TRPC4: variants seen among roughly 807,000 people sequenced by gnomAD.
TRPC4 encodes short transient receptor potential channel 4.
In TRPC4, 49 loss-of-function variants were observed where a neutral mutation model predicts 99.4. That is an observed-to-expected ratio of 0.49 (90% CI 0.39 to 0.63). The LOEUF (loss-of-function observed/expected upper bound fraction) is 0.63. TRPC4 is among the 20% of genes least tolerant of loss of function. The pLI is 0.00. For missense variants in TRPC4, 898 were observed against 1,152.9 expected, an observed-to-expected ratio of 0.78 and a Z score of 3.20; for synonymous variants, 454 against 425.9, an observed-to-expected ratio of 1.07 and a Z score of -0.81.
chr13:37,652,170 A>G (rs1283329378), intron 7 of TRPC4, among the ~76,000 whole-genome samples: 1 of 152,232 alleles, frequency 6.6e-6, no homozygotes, highest in Admixed American at 6.5e-5. Flanking sequence ...TGTGGCAATT[A>G]GATTTGGGAC....
intron 2 of TRPC4, 47 bp from the exon 3 acceptor site, chr13:37,746,502 A>C (rs764453805): frequency 3.9e-6 from 6 of 1,536,604 alleles, no homozygotes; most frequent in Non-Finnish European, 4.4e-6. Context: ...TCTTTTGTTC[A>C]AGTCTGTGAA....
intron 4 of TRPC4, among the ~76,000 whole-genome samples, chr13:37,678,885 C>T (rs576053828): frequency 6.6e-6 from 1 of 152,008 alleles, no homozygotes; most frequent in South Asian, 2.1e-4. Flanking sequence ...TAAATCATGG[C>T]CAAGTAATGT....
At chr13:37,745,424 A>C (rs1486005391) in intron 3 of TRPC4, among the ~76,000 whole-genome samples, 1 of 141,736 alleles carries the variant, frequency 7.1e-6, no homozygotes, top group African/African-American at 2.7e-5. Context: ...GATTATTTAT[A>C]TATATATATG....
chr13:37,747,703 T>C (rs1828394791), intron 2 of TRPC4, among the ~76,000 whole-genome samples: 1 of 152,172 alleles, frequency 6.6e-6, no homozygotes, highest in African/African-American at 2.4e-5. Flanking sequence ...TCTGGCCATA[T>C]AGGATATCCA....
intron 1 of TRPC4, among the ~76,000 whole-genome samples, chr13:37,841,080 A>G (rs1053123871): frequency 7.2e-5 from 11 of 152,296 alleles, no homozygotes; most frequent in South Asian, 2.1e-4. Context: ...ATAATATAAA[A>G]TAAAATTTAA....
In TRPC4 at chr13:37,634,183, T is replaced by C. The variant is rs1050500168; in HGVS notation, c.*2720A>G. On this transcript the variant is annotated 3_prime_UTR_variant, in exon 11 of 11. Coordinates refer to ENST00000379705, the MANE Select transcript of TRPC4 (RefSeq NM_016179.4). ...TGTAGCATTTAGAAATTTCTGTGGA[T>C]AGAAATATGAATAGAAACGAACACC... is the stretch of plus-strand genomic sequence containing the variant. Among the ~76,000 whole-genome samples the C allele has an allele frequency of 2.0e-5, 3 of 152,070 alleles. No individual in the cohort carries two copies. The South Asian group carries it at 6.2e-4, about 31-fold the overall frequency.
At chr13:37,698,277 C>A (rs183222074) in intron 3 of TRPC4, among the ~76,000 whole-genome samples, 4 of 148,522 alleles carry the variant, frequency 2.7e-5, no homozygotes, top group Non-Finnish European at 5.9e-5. Flanking sequence ...TCTCCTGTCT[C>A]AGCCTCCCGA....
At chr13:37,674,194 C>T in intron 5 of TRPC4, 34 bp downstream of exon 5, 1 of 1,537,358 alleles carries the variant, frequency 6.5e-7, no homozygotes, top group Middle Eastern at 2.2e-4. Context: ...ATAATCAGAA[C>T]ATATGCTTTA....
intron 1 of TRPC4, among the ~76,000 whole-genome samples, chr13:37,847,116 C>A (rs1320485186): frequency 6.6e-6 from 1 of 152,016 alleles, no homozygotes; most frequent in Admixed American, 6.6e-5. Context: ...CGATACTCCA[C>A]TTTTAAAAAT....
rs59850011 is a variant in TRPC4 at position 37,804,957 on chromosome 13, ATACT to A, written c.-27-21601_-27-21598del. 6.5e-3 allele frequency among the ~76,000 whole-genome samples: 989 copies of A among 152,200 alleles called. 14 individuals are homozygous for A. Among genetic ancestry groups the A allele is most frequent in the African/African-American group, 0.023 (935 of 41,554 alleles). On this transcript the variant is annotated intron_variant, in intron 1 of 10. Transcript: ENST00000379705. ...GTGAATGAGAAGTTAATTATATCTA[ATACT>A]TAATTAACAAAATTGCCATGATATT... is the stretch of plus-strand genomic sequence containing the variant.
At chr13:37,869,216 T>A (rs1343682693) in intron 1 of TRPC4, among the ~76,000 whole-genome samples, 1 of 151,748 alleles carries the variant, frequency 6.6e-6, no homozygotes, top group Non-Finnish European at 1.5e-5. Context: ...TTTCCCCAAA[T>A]GCATAAAAGG....
rs1555276076 is a variant in TRPC4, at chr13:37,812,184, A to AAAAAAAC, written c.-27-28825_-27-28824insGTTTTTT. Among the ~76,000 whole-genome samples the AAAAAAAC allele has an allele frequency of 4.7e-5, 7 of 148,008 alleles. 1 individual carries two copies. Among genetic ancestry groups the AAAAAAAC allele is most frequent in the Admixed American group, 2.7e-4 (4 of 14,778 alleles). ...ACAGACTGAGACTCTATCAAAAAAA[A>AAAAAAAC]AAAAAAAAAAACCAGGAGATCTAAT... On this transcript the variant is annotated intron_variant, in intron 1 of 10. Coordinates refer to ENST00000379705, the MANE Select transcript of TRPC4 (RefSeq NM_016179.4).
At chr13:37,794,297 A>G (rs991703536) in intron 1 of TRPC4, among the ~76,000 whole-genome samples, 2 of 152,150 alleles carry the variant, frequency 1.3e-5, no homozygotes, top group Non-Finnish European at 2.9e-5. Context: ...GTTAAAAGGA[A>G]CAATCATCTG....
chr13:37,659,166 G>A (rs1952346972), intron 6 of TRPC4, among the ~76,000 whole-genome samples: 2 of 152,082 alleles, frequency 1.3e-5, no homozygotes, highest in African/African-American at 4.8e-5. Context: ...GGGGCTTAGA[G>A]GGATGTGTTT....
intron 1 of TRPC4, among the ~76,000 whole-genome samples, chr13:37,856,382 TCTC>T (rs1268343262): frequency 2.2e-5 from 3 of 138,124 alleles, no homozygotes; most frequent in Non-Finnish European, 4.7e-5. Flanking sequence ...AATAATAAAG[TCTC>T]CTAGTAAAAA....
At chr13:37,716,940 G>A (rs1954691219) in intron 3 of TRPC4, among the ~76,000 whole-genome samples, 1 of 150,186 alleles carries the variant, frequency 6.7e-6, no homozygotes, top group South Asian at 2.1e-4. Flanking sequence ...GTCTGGTGGG[G>A]ACGGTGGTAA....
chr13:37,683,879 G>C (rs372039754), intron 4 of TRPC4, among the ~76,000 whole-genome samples: 1 of 152,118 alleles, frequency 6.6e-6, no homozygotes, highest in East Asian at 1.9e-4. Context: ...TATAAAATTT[G>C]AGTTTTAAAC....
chr13:37,767,125 T>C (rs1233779826), intron 2 of TRPC4, among the ~76,000 whole-genome samples: 2 of 151,340 alleles, frequency 1.3e-5, no homozygotes, highest in Non-Finnish European at 3.0e-5. Flanking sequence ...TATATTTATG[T>C]TTAAACTGCC....
At chr13:37,668,013 G>T (rs1283754844) in intron 5 of TRPC4, among the ~76,000 whole-genome samples, 1 of 152,196 alleles carries the variant, frequency 6.6e-6, no homozygotes, top group Non-Finnish European at 1.5e-5. Context: ...ACAACATGGT[G>T]AAGTCATACA....
Sources: gnomAD v4.1 joint callset for allele counts (sites outside exome capture counted in the v4.1 genomes callset) on GRCh38, gnomAD v4.1.1 for gene constraint, MANE v1.5 for transcripts, NCBI Gene and HGNC (gene_info 2026-07-23, HGNC 2026-07-21) for gene names.